FBXO11: variants seen among roughly 807,000 people sequenced by gnomAD.
FBXO11 encodes F-box only protein 11.
In FBXO11, 13 loss-of-function variants were observed where a neutral mutation model predicts 117.0. That is an observed-to-expected ratio of 0.11 (90% CI 0.07 to 0.18). FBXO11 has a LOEUF of 0.18. Among genes scored for constraint, FBXO11 ranks in the 10% least tolerant of loss-of-function variants. FBXO11 has a pLI of 1.00. For synonymous variants in FBXO11, 490 were observed against 380.5 expected, an observed-to-expected ratio of 1.29 and a Z score of -3.35; for missense variants, 767 against 1,164.4, an observed-to-expected ratio of 0.66 and a Z score of 4.97.
At chr2:47,877,771 G>A (rs1432382063) in intron 1 of FBXO11, among the ~76,000 whole-genome samples, 1 of 152,112 alleles carries the variant, frequency 6.6e-6, no homozygotes, top group Admixed American at 6.5e-5. Flanking sequence ...TGCAACCTCC[G>A]ACTCCCAGGT....
At chr2:47,815,876 G>A (rs143648533) in intron 16 of FBXO11, among the ~76,000 whole-genome samples, 4 of 152,190 alleles carry the variant, frequency 2.6e-5, no homozygotes. Flanking sequence ...GTGTTTTAGA[G>A]CAGCATGTTC....
intron 1 of FBXO11, among the ~76,000 whole-genome samples, chr2:47,842,958 C>CT (rs922075793): frequency 2.6e-5 from 4 of 151,840 alleles, no homozygotes; most frequent in South Asian, 4.2e-4. Context: ...TTAAAAACAA[C>CT]TTTTTTTTGT....
chr2:47,820,330 GAGTTTAT>G (rs1671293360), intron 14 of FBXO11, 25 bp downstream of exon 14: 2 of 1,537,848 alleles, frequency 1.3e-6, no homozygotes, highest in African/African-American at 2.7e-5. Flanking sequence ...TTTGATGCAT[GAGTTTAT>G]AGGGAACTAT....
At chr2:47,840,344 G>C (rs1175900847) in intron 1 of FBXO11, among the ~76,000 whole-genome samples, 3 of 152,030 alleles carry the variant, frequency 2.0e-5, no homozygotes. Context: ...ATATGGTGAA[G>C]GCAGCTTGGC....
intron 11 of FBXO11, among the ~76,000 whole-genome samples, chr2:47,826,758 C>A (rs1671784162): frequency 6.6e-6 from 1 of 152,058 alleles, no homozygotes; most frequent in Non-Finnish European, 1.5e-5. Flanking sequence ...TTGTCCAAAT[C>A]ACCTCTTCTT....
intron 1 of FBXO11, among the ~76,000 whole-genome samples, chr2:47,863,244 T>A (rs147792530): frequency 6.6e-6 from 1 of 152,202 alleles, no homozygotes; most frequent in Admixed American, 6.5e-5. Context: ...ATAGGAGAGC[T>A]AATGAGCTAA....
chr2:47,862,259 TAA>T (rs1278175939), intron 1 of FBXO11, among the ~76,000 whole-genome samples: 1 of 152,054 alleles, frequency 6.6e-6, no homozygotes, highest in Non-Finnish European at 1.5e-5. Context: ...AAATCAGATT[TAA>T]GTTACATCCA....
At chr2:47,847,252 C>G (rs1427332264) in intron 1 of FBXO11, among the ~76,000 whole-genome samples, 1 of 151,972 alleles carries the variant, frequency 6.6e-6, no homozygotes, top group Non-Finnish European at 1.5e-5. Context: ...CTCAAACAAA[C>G]AAACAAAAAG....
At position 47,860,770 on chromosome 2, in the gene FBXO11, G is replaced by A. The variant is rs1293776764; in HGVS notation, c.233-21001C>T. ...CCTGCAGGAGAGAGAGAGAAAGAAAGTCAAACCAGTCACATAGAATAACTG... is the reference window on the plus strand; with the variant it reads ...CCTGCAGGAGAGAGAGAGAAAGAAAATCAAACCAGTCACATAGAATAACTG... On this transcript the variant is annotated intron_variant, in intron 1 of 22. Transcript: ENST00000403359. Among the ~76,000 whole-genome samples the A allele has an allele frequency of 4.1e-5, 6 of 147,204 alleles. No individual in the cohort carries two copies. The South Asian group carries it at 1.3e-3, about 31-fold the overall frequency.
intron 1 of FBXO11, among the ~76,000 whole-genome samples, chr2:47,902,919 TA>T (rs796255446): frequency 0.014 from 1,969 of 140,104 alleles, 34 homozygotes; most frequent in Middle Eastern, 0.057. Context: ...AGTAAAAGGT[TA>T]AAAAAAAAAA....
At chr2:47,819,372 C>T (rs1358024138) in intron 14 of FBXO11, among the ~76,000 whole-genome samples, 4 of 152,122 alleles carry the variant, frequency 2.6e-5, no homozygotes, top group East Asian at 1.9e-4. Flanking sequence ...TCTGCCACCA[C>T]GCCTGGCTAA....
intron 1 of FBXO11, among the ~76,000 whole-genome samples, chr2:47,898,576 A>G (rs1447113460): frequency 6.6e-6 from 1 of 152,192 alleles, no homozygotes; most frequent in African/African-American, 2.4e-5. Context: ...GTGCTTAATG[A>G]TCTCATCAAC....
Position 47,869,207 on chromosome 2 carries a change from G to A in FBXO11, c.233-29438C>T, listed in dbSNP as rs1030720362. On this transcript the variant is annotated intron_variant, in intron 1 of 22. Coordinates refer to ENST00000403359, the MANE Select transcript of FBXO11 (RefSeq NM_001190274.2). ...TTATTACCCATAGTAACTCACTAAC[G>A]AAATTTCTGCTTCTTGTCTCTGTGA... Among the ~76,000 whole-genome samples the A allele has an allele frequency of 3.3e-5, 5 of 152,294 alleles. No individual in the cohort carries two copies. The East Asian group carries it at 5.8e-4, about 18-fold the overall frequency.
At chr2:47,836,093 A>G (rs1672538192) in intron 4 of FBXO11, 92 bp from the exon 5 acceptor site, 5 of 860,714 alleles carry the variant, frequency 5.8e-6, no homozygotes, top group Admixed American at 2.9e-5. Context: ...TGAGGCCTCA[A>G]AAACTTGAGT....
At chr2:47,849,464 A>G (rs145520959) in intron 1 of FBXO11, among the ~76,000 whole-genome samples, 1 of 152,320 alleles carries the variant, frequency 6.6e-6, no homozygotes, top group East Asian at 1.9e-4. Flanking sequence ...AAAAATGTGC[A>G]TTTTCGTTAC....
At chr2:47,828,833 A>C (rs556325457) in intron 11 of FBXO11, among the ~76,000 whole-genome samples, 1 of 152,330 alleles carries the variant, frequency 6.6e-6, no homozygotes, top group Admixed American at 6.5e-5. Context: ...GTTGTCCCCA[A>C]GTAACTAAAG....
At chr2:47,864,940 G>C (rs1296992872) in intron 1 of FBXO11, among the ~76,000 whole-genome samples, 1 of 152,200 alleles carries the variant, frequency 6.6e-6, no homozygotes, top group Non-Finnish European at 1.5e-5. Flanking sequence ...TGTAACACTT[G>C]ACAAGACTTT....
chr2:47,836,945 C>A, intron 4 of FBXO11: 1 of 389,060 alleles, frequency 2.6e-6, no homozygotes, highest in Non-Finnish European at 5.0e-6. Flanking sequence ...AGTATGTTGC[C>A]CAGGCTGGTC....
At chr2:47,840,929 T>C (rs113249170) in intron 1 of FBXO11, among the ~76,000 whole-genome samples, 1 of 151,900 alleles carries the variant, frequency 6.6e-6, no homozygotes, top group Non-Finnish European at 1.5e-5. Context: ...AATAACACAG[T>C]GGCTCAAGCC....
Sources: gnomAD v4.1 joint callset for allele counts (sites outside exome capture counted in the v4.1 genomes callset) on GRCh38, gnomAD v4.1.1 for gene constraint, MANE v1.5 for transcripts, NCBI Gene and HGNC (gene_info 2026-07-23, HGNC 2026-07-21) for gene names.